Variants in TMEM229B observed in about 807,000 individuals in gnomAD.
TMEM229B encodes the protein transmembrane protein 229B, also known as chromosome 14 open reading frame 83.
In TMEM229B, 6 loss-of-function variants were observed where a neutral mutation model predicts 13.7. That is an observed-to-expected ratio of 0.44 (90% confidence interval 0.24 to 0.86). The LOEUF (loss-of-function observed/expected upper bound fraction) is 0.86. Ranked by LOEUF, TMEM229B falls within the 40% of genes least tolerant of loss-of-function variation. The pLI is 0.23. For synonymous variants in TMEM229B, 107 were observed against 102.1 expected, an observed-to-expected ratio of 1.05 and a Z score of -0.29; for missense variants, 170 against 236.0, an observed-to-expected ratio of 0.72 and a Z score of 1.83.
At chr14:67,533,007 T>G (rs2033516234) in intron 1 of TMEM229B, among the ~76,000 whole-genome samples, 1 of 152,038 alleles carries the variant, frequency 6.6e-6, no homozygotes, top group African/African-American at 2.4e-5. Context: ...CCGCCCTCCC[T>G]GCCGCCCCAG....
At position 67,531,795 on chromosome 14, in the gene TMEM229B, C is replaced by A. The variant is rs568588639; in HGVS notation, c.-192+1841G>T. ...TAGTAGCATGTGCCTATAGTCCCAG[C>A]TGTTCATGAGGCTGAGATGGGAGGA... On this transcript the variant is annotated intron_variant, in intron 1 of 2. Transcript: ENST00000554278. Among the ~76,000 whole-genome samples the A allele has an allele frequency of 2.1e-5, 3 of 142,550 alleles. No homozygotes were observed. The South Asian group carries it at 6.8e-4, about 32-fold the overall frequency. 93.5% of individuals were successfully genotyped at this position (142,550 alleles called of 152,430 possible).
At chr14:67,475,710 C>T (rs893571940) in intron 2 of TMEM229B, among the ~76,000 whole-genome samples, 1 of 152,116 alleles carries the variant, frequency 6.6e-6, no homozygotes, top group Non-Finnish European at 1.5e-5. Flanking sequence ...AAGAGTCCTC[C>T]CCAGTCCTTC....
intron 2 of TMEM229B, among the ~76,000 whole-genome samples, chr14:67,479,334 C>G (rs1245186003): frequency 6.8e-5 from 10 of 146,448 alleles, no homozygotes; most frequent in Admixed American, 6.8e-4. Flanking sequence ...TGAACCGGGA[C>G]CCAGGAGGTG....
chr14:67,480,377 G>C (rs920522915), intron 2 of TMEM229B, among the ~76,000 whole-genome samples: 2 of 152,112 alleles, frequency 1.3e-5, no homozygotes, highest in Non-Finnish European at 2.9e-5. Context: ...CAGACATCCC[G>C]GGAGACTGAA....
At chr14:67,480,876 A>G (rs1286747363) in intron 2 of TMEM229B, among the ~76,000 whole-genome samples, 3 of 152,180 alleles carry the variant, frequency 2.0e-5, no homozygotes, top group Non-Finnish European at 1.5e-5. Context: ...GGGAGGGTCC[A>G]GTCTCTTCCC....
In TMEM229B at chr14:67,471,894, G is replaced by T. The variant is rs1012225217; in HGVS notation, c.*1526C>A. 7 of 152,244 alleles carry T rather than the reference G, an allele frequency of 4.6e-5. No individual in the cohort carries two copies. The highest frequency in any genetic ancestry group is 1.7e-4 in the African/African-American group (7 of 41,458). 9.4% of individuals were successfully genotyped at this position (152,244 alleles called of 1,614,324 possible). A position where few individuals can be genotyped will look rare whatever the true frequency, so the allele number is the denominator to read the frequency against. ...AATTTCTACCTAAGAGTCCTAGTGT[G>T]GTCAAGAAGAGACCATGTACCATGG... On this transcript the variant is annotated 3_prime_UTR_variant, in exon 3 of 3. Coordinates refer to ENST00000554480, the MANE Select transcript of TMEM229B (RefSeq NM_001348543.2).
At chr14:67,504,010 A>T (rs1453364549) in intron 1 of TMEM229B, among the ~76,000 whole-genome samples, 2 of 119,294 alleles carry the variant, frequency 1.7e-5, no homozygotes, top group African/African-American at 6.5e-5. Flanking sequence ...CCTATTTTTT[A>T]ATTTTTATTT....
At chr14:67,486,169 C>T (rs1009756655) in intron 2 of TMEM229B, among the ~76,000 whole-genome samples, 2 of 152,216 alleles carry the variant, frequency 1.3e-5, no homozygotes, top group Non-Finnish European at 1.5e-5. Flanking sequence ...CTTGAATTTC[C>T]ACCATGTTGT....
upstream of TMEM229B, among the ~76,000 whole-genome samples, chr14:67,492,182 G>A (rs1468873553): frequency 2.0e-5 from 3 of 152,080 alleles, no homozygotes; most frequent in Non-Finnish European, 4.4e-5. Context: ...CTTGGAGGGT[G>A]GTCTCTGGTC....
At chr14:67,484,461 T>C (rs1004628734) in intron 2 of TMEM229B, among the ~76,000 whole-genome samples, 1 of 152,198 alleles carries the variant, frequency 6.6e-6, no homozygotes, top group Non-Finnish European at 1.5e-5. Flanking sequence ...TTTTTCTAAT[T>C]ATAAAAGCAA....
At chr14:67,527,776 G>A (rs753014005) in intron 1 of TMEM229B, among the ~76,000 whole-genome samples, 29 of 152,224 alleles carry the variant, frequency 1.9e-4, no homozygotes, top group Non-Finnish European at 3.5e-4. Flanking sequence ...ACAGTTAGGT[G>A]AGGCACAAAG....
At chr14:67,495,875 C>A (rs766130060) in intron 1 of TMEM229B, among the ~76,000 whole-genome samples, 1 of 152,244 alleles carries the variant, frequency 6.6e-6, no homozygotes, top group Non-Finnish European at 1.5e-5. Flanking sequence ...ATGTTCCTAC[C>A]TTCTGATCTC....
At chr14:67,521,363 G>T (rs1388901910) in intron 1 of TMEM229B, among the ~76,000 whole-genome samples, 2 of 152,174 alleles carry the variant, frequency 1.3e-5, no homozygotes, top group Non-Finnish European at 2.9e-5. Context: ...ATGTCACAGA[G>T]GGATGGAAAG....
chr14:67,491,463 C>T (rs1183860418), upstream of TMEM229B, among the ~76,000 whole-genome samples: 1 of 152,174 alleles, frequency 6.6e-6, no homozygotes, highest in Non-Finnish European at 1.5e-5. Flanking sequence ...CCACCACTTC[C>T]CCAGTAACTT....
exon 1 of TMEM229B, chr14:67,515,407 C>CCGGCGGCGGCGGCGGCGGCGGCGGCGG (rs552146261): frequency 1.7e-5 from 3 of 176,278 alleles, no homozygotes; most frequent in East Asian, 1.7e-4. Context: ...AAAGGAGCCC[C>CCGGCGGCGGCGGCGGCGGCGGCGGCGG]CGGCGGCGGC....
intron 2 of TMEM229B, among the ~76,000 whole-genome samples, chr14:67,482,128 G>T (rs2031621791): frequency 6.6e-6 from 1 of 152,206 alleles, no homozygotes; most frequent in Non-Finnish European, 1.5e-5. Flanking sequence ...GACTTGTGAG[G>T]TCTAGGAACT....
intron 1 of TMEM229B, among the ~76,000 whole-genome samples, chr14:67,498,355 A>C (rs2032475261): frequency 6.6e-6 from 1 of 152,068 alleles, no homozygotes; most frequent in African/African-American, 2.4e-5. Flanking sequence ...TCTCCAATTA[A>C]TCTGAGTTTT....
chr14:67,508,765 A>AAAAAAAAAAAAAAAAC (rs1566698826), intron 1 of TMEM229B, among the ~76,000 whole-genome samples: 2 of 150,592 alleles, frequency 1.3e-5, no homozygotes, highest in Non-Finnish European at 3.0e-5. Flanking sequence ...AAAAAAAAAA[A>AAAAAAAAAAAAAAAAC]AAAAAACAGA....
chr14:67,502,127 G>A (rs2032632995), intron 1 of TMEM229B, among the ~76,000 whole-genome samples: 1 of 152,096 alleles, frequency 6.6e-6, no homozygotes, highest in Non-Finnish European at 1.5e-5. Flanking sequence ...GAGGTCGGGA[G>A]TTTGAGACCA....
Sources: gnomAD v4.1 joint callset for allele counts (sites outside exome capture counted in the v4.1 genomes callset) on GRCh38, gnomAD v4.1.1 for gene constraint, MANE v1.5 for transcripts, NCBI Gene and HGNC (gene_info 2026-07-23, HGNC 2026-07-21) for gene names.